ABCA4: variants seen among roughly 807,000 people sequenced by gnomAD.
ABCA4 encodes the protein retinal-specific phospholipid-transporting ATPase ABCA4.
ABCA4 carries 196 observed loss-of-function variants against 263.7 expected under a neutral mutation model. That is an observed-to-expected ratio of 0.74 (90% confidence interval 0.66 to 0.84). The LOEUF is 0.84. Among genes scored for constraint, ABCA4 ranks in the 40% least tolerant of loss-of-function variants. The pLI is 0.00. For synonymous variants in ABCA4, 1,133 were observed against 1,094.2 expected, an observed-to-expected ratio of 1.04 and a Z score of -0.70; for missense variants, 2,792 against 2,855.1, an observed-to-expected ratio of 0.98 and a Z score of 0.50.
At chr1:94,088,696 T>A (rs1470430305) in intron 6 of ABCA4, among the ~76,000 whole-genome samples, 1 of 152,152 alleles carries the variant, frequency 6.6e-6, no homozygotes, top group Non-Finnish European at 1.5e-5. Context: ...TGGGGTAGGA[T>A]GAGCCCTTAG....
At chr1:94,036,870 G>T in intron 25 of ABCA4, 82 bp from the exon 26 acceptor site, 1 of 1,369,638 alleles carries the variant, frequency 7.3e-7, no homozygotes, top group Admixed American at 1.7e-5. Flanking sequence ...GTTTTGTTGG[G>T]TATTGCTTCA....
Position 94,056,709 on chromosome 1 carries a change from G to A in ABCA4, c.2274C>T (p.Ala758=), listed in dbSNP as rs1660993361. ...CFLLSTFFSK[A]SLAAACSGVI... Reference sequence around the variant, plus strand: ...CACCACTACAGGCTGCTGCCAGACTGGCCTTGGAGAAGAAGGTGCTGAGCA... The same window carrying A: ...CACCACTACAGGCTGCTGCCAGACTAGCCTTGGAGAAGAAGGTGCTGAGCA... The change falls in exon 15 of 50, where the codon GCC becomes GCT. Residue 758 remains alanine, a synonymous_variant. Coordinates refer to ENST00000370225, the MANE Select transcript of ABCA4 (RefSeq NM_000350.3). 1 of 1,614,018 alleles carries A rather than the reference G, an allele frequency of 6.2e-7. No individual in the cohort carries two copies. The highest frequency in any genetic ancestry group is 8.5e-7 in the Non-Finnish European group (1 of 1,180,016).
chr1:94,051,674 C>A lies in ABCA4; in HGVS notation c.2612G>T (p.Trp871Leu). The A allele has an allele frequency of 6.2e-7, 1 of 1,614,010 alleles. No individual in the cohort carries two copies. The highest frequency in any genetic ancestry group is 1.1e-5 in the South Asian group (1 of 91,066). Residue 871 changes from tryptophan to leucine, a missense_variant, in exon 17 of 50, where the codon TGG (tryptophan) becomes TTG (leucine). Transcript: ENST00000370225. ...ATACGACTCTTGTAGAAGAAAGTAC[C>A]AAGGAAGTGGGGTTCCATAGTCTCC... ...FPGDYGTPLP[W>L]YFLLQESYWL...
At chr1:94,108,766 CA>C (rs778662792) in intron 3 of ABCA4, 50 bp from the exon 4 acceptor site, 14 of 1,600,376 alleles carry the variant, frequency 8.7e-6, no homozygotes, top group Non-Finnish European at 1.2e-5. Flanking sequence ...ATTTTTATAA[CA>C]GTAATAATAT....
chr1:94,041,120 C>A, intron 23 of ABCA4, 89 bp downstream of exon 23: 1 of 1,353,702 alleles, frequency 7.4e-7, no homozygotes, highest in Non-Finnish European at 1.1e-6. Flanking sequence ...TGGCGAGAGC[C>A]TGTGTGAGTA....
Position 94,030,291 on chromosome 1 carries a change from A to T in ABCA4, c.4352+137T>A, listed in dbSNP as rs573974054. On this transcript the variant is annotated intron_variant, in intron 29 of 49. Transcript: ENST00000370225. ...CAAGTGTGGAAGGAGAGGTTGGGGG[A>T]GTGCTGGTCAGAGACATGGAAGTGA... 9 of 754,964 alleles carry T rather than the reference A, an allele frequency of 1.2e-5. No homozygotes were observed. In the African/African-American group the frequency reaches 1.5e-4, roughly 13 times the overall value. The allele number at this position is 754,964 out of a possible 1,614,324, so 46.8% of individuals were successfully genotyped here.
At chr1:94,043,604 T>A in intron 20 of ABCA4, 129 bp from the exon 21 acceptor site, 1 of 1,299,440 alleles carries the variant, frequency 7.7e-7, no homozygotes. Context: ...GTGGTGTTTA[T>A]GATACAATAC....
intron 6 of ABCA4, among the ~76,000 whole-genome samples, chr1:94,097,170 C>A: frequency 6.6e-6 from 1 of 152,164 alleles, no homozygotes; most frequent in Non-Finnish European, 1.5e-5. Context: ...GCCAAGAGAC[C>A]TTTTCTGGGG....
chr1:93,996,513 A>G (rs1659008158), intron 48 of ABCA4, among the ~76,000 whole-genome samples: 1 of 152,206 alleles, frequency 6.6e-6, no homozygotes. Context: ...TAACTAAAAA[A>G]AAAGGTAATT....
rs760206966 is a variant in ABCA4, at chr1:94,019,743, C to T, written c.5035G>A (p.Asp1679Asn). 6.2e-7 allele frequency: 1 copy of T among 1,612,924 alleles called. No homozygotes were observed. ...SEITVLTTSV[D>N]AVVAICVIFS... ...ATCACGCAGATGGCAACCACAGCATCCACTGAAGTGGTCAGCCTGCAGCAG... is the reference window on the plus strand; with the variant it reads ...ATCACGCAGATGGCAACCACAGCATTCACTGAAGTGGTCAGCCTGCAGCAG... Residue 1679 changes from aspartate (D) to asparagine (N), a missense_variant, in exon 36 of 50, where the codon GAT (aspartate) becomes AAT (asparagine). Asp to Asn is a conservative substitution (Grantham distance 23). Transcript: ENST00000370225.
At chr1:94,104,146 C>T (rs780825091) in intron 4 of ABCA4, among the ~76,000 whole-genome samples, 4 of 152,198 alleles carry the variant, frequency 2.6e-5, no homozygotes, top group South Asian at 4.1e-4. Flanking sequence ...CCCTCCTCCT[C>T]GGCTGGCTTC....
intron 38 of ABCA4, among the ~76,000 whole-genome samples, chr1:94,012,699 C>T (rs1659579605): frequency 6.6e-6 from 1 of 152,348 alleles, no homozygotes; most frequent in Non-Finnish European, 1.5e-5. Context: ...TGGCCTGCAG[C>T]ATGTTATCTG....
intron 29 of ABCA4, 68 bp downstream of exon 29, chr1:94,030,360 C>T: frequency 1.4e-6 from 2 of 1,454,406 alleles, no homozygotes; most frequent in Non-Finnish European, 1.9e-6. Context: ...CGCCTGCCAT[C>T]TTGAACCCAC....
rs866555749 is a variant in ABCA4 at position 94,005,460 on chromosome 1, G to A, written c.6128C>T (p.Pro2043Leu). The change falls in exon 44 of 50, where the codon CCA becomes CTA. Residue 2043 changes from proline (P) to leucine (L), a missense_variant. By Grantham distance (98) the Pro-to-Leu change is moderately conservative. Transcript: ENST00000370225. ...TTTCACCTTTTCGATTTCTTCTGCT[G>A]GTACACCTCGAAGCCGGGCATAAAG... ...LYLYARLRGV[P>L]AEEIEKVANW... 3 of 1,614,152 alleles carry A rather than the reference G, an allele frequency of 1.9e-6. No individual in the cohort carries two copies. In the Admixed American group the frequency reaches 5.0e-5, roughly 27 times the overall value.
chr1:94,097,768 G>C (rs1570421562), intron 6 of ABCA4, among the ~76,000 whole-genome samples: 1 of 152,050 alleles, frequency 6.6e-6, no homozygotes, highest in African/African-American at 2.4e-5. Flanking sequence ...TGTTTTTATT[G>C]AGACGGAGTC....
intron 47 of ABCA4, 66 bp from the exon 48 acceptor site, chr1:93,998,176 AAGG>A (rs1659065442): frequency 3.1e-6 from 5 of 1,610,824 alleles, no homozygotes; most frequent in African/African-American, 2.7e-5. Flanking sequence ...ATCCCAAAAT[AAGG>A]AGTAGACTCA....
chr1:94,105,279 C>T (rs966023868), intron 4 of ABCA4, among the ~76,000 whole-genome samples: 5 of 152,210 alleles, frequency 3.3e-5, no homozygotes, highest in African/African-American at 9.6e-5. Context: ...TTTATCTCTT[C>T]GTTATTCTTT....
intron 10 of ABCA4, among the ~76,000 whole-genome samples, chr1:94,078,316 T>A (rs1661592627): frequency 6.6e-6 from 1 of 152,206 alleles, no homozygotes; most frequent in African/African-American, 2.4e-5. Flanking sequence ...TTGAGGCCCT[T>A]GAGTGAATTC....
At chr1:94,018,623 T>C (rs1425424719) in intron 36 of ABCA4, 1 of 455,724 alleles carries the variant, frequency 2.2e-6, no homozygotes, top group Non-Finnish European at 4.4e-6. Flanking sequence ...TTGGTCTCCA[T>C]CAGTTGGTAT....
Sources: gnomAD v4.1 joint callset for allele counts (sites outside exome capture counted in the v4.1 genomes callset) on GRCh38, gnomAD v4.1.1 for gene constraint, MANE v1.5 for transcripts, NCBI Gene and HGNC (gene_info 2026-07-23, HGNC 2026-07-21) for gene names.